Variants in RNF138 observed in about 807,000 individuals in gnomAD.
RNF138 encodes the protein E3 ubiquitin-protein ligase RNF138.
A neutral mutation model predicts 31.0 loss-of-function variants in RNF138; 12 were observed. The ratio of observed to expected loss-of-function variants is 0.39; its 90% CI spans 0.25 to 0.63. RNF138 has a LOEUF of 0.63. Ranked by LOEUF, RNF138 falls within the 20% of genes least tolerant of loss-of-function variation. The pLI is 0.52. For synonymous variants in RNF138, 105 were observed against 99.5 expected, an observed-to-expected ratio of 1.06 and a Z score of -0.33; for missense variants, 192 against 300.1, an observed-to-expected ratio of 0.64 and a Z score of 2.66.
At chr18:32,105,275 A>G (rs1288957670) in intron 2 of RNF138, among the ~76,000 whole-genome samples, 1 of 152,016 alleles carries the variant, frequency 6.6e-6, no homozygotes, top group Non-Finnish European at 1.5e-5. Flanking sequence ...TATTTTTAGT[A>G]GAGACAGGTT....
At position 32,123,512 on chromosome 18, in the gene RNF138, C is replaced by T; in HGVS notation, c.393-6C>T. 2.5e-6 allele frequency: 4 copies of T among 1,569,036 alleles called. No individual in the cohort carries two copies. The highest frequency in any genetic ancestry group is 3.5e-6 in the Non-Finnish European group (4 of 1,158,156). On this transcript the variant is annotated splice_region_variant and splice_polypyrimidine_tract_variant and intron_variant, in intron 4 of 7. Coordinates refer to ENST00000261593, the MANE Select transcript of RNF138 (RefSeq NM_016271.5). ...GGTATTAACTTTTTCCCCTGTGCTT[C>T]TTAAGCAATAGGAGTGAAACATCCA... is the stretch of plus-strand genomic sequence containing the variant.
chr18:32,098,711 G>A (rs1403620593), intron 2 of RNF138, among the ~76,000 whole-genome samples: 1 of 151,950 alleles, frequency 6.6e-6, no homozygotes, highest in East Asian at 1.9e-4. Flanking sequence ...AAATTAGCCG[G>A]GTGTGGCGGC....
At chr18:32,111,059 C>T (rs1402484025) in intron 2 of RNF138, among the ~76,000 whole-genome samples, 2 of 152,334 alleles carry the variant, frequency 1.3e-5, no homozygotes, top group African/African-American at 4.8e-5. Context: ...GGATTACAGG[C>T]GTGAGCCACC....
chr18:32,106,548 T>TTTAA (rs112355865), intron 2 of RNF138, among the ~76,000 whole-genome samples: 2 of 146,804 alleles, frequency 1.4e-5, no homozygotes. Flanking sequence ...TTTTATTTTA[T>TTTAA]TTTATTTATT....
At chr18:32,114,062 T>A in intron 4 of RNF138, 2 of 366,512 alleles carry the variant, frequency 5.5e-6, no homozygotes, top group Admixed American at 4.6e-5. Flanking sequence ...GGAGATGACT[T>A]CATGAACTTC....
chr18:32,123,177 A>C (rs1368397549), intron 4 of RNF138, among the ~76,000 whole-genome samples: 1 of 152,194 alleles, frequency 6.6e-6, no homozygotes, highest in Non-Finnish European at 1.5e-5. Context: ...TTAAAACCTT[A>C]CTAGTCTAGG....
chr18:32,097,213 T>C (rs1438761000), intron 2 of RNF138, among the ~76,000 whole-genome samples: 1 of 152,206 alleles, frequency 6.6e-6, no homozygotes, highest in African/African-American at 2.4e-5. Flanking sequence ...TTTTGAACAG[T>C]CAAGGAAATA....
chr18:32,102,043 A>AT (rs551714071), intron 2 of RNF138, among the ~76,000 whole-genome samples: 11,026 of 133,274 alleles, frequency 0.083, 630 homozygotes, highest in East Asian at 0.25. Context: ...TGCCTGGCTG[A>AT]TTTTTTTTTT....
At chr18:32,108,733 AT>A (rs2040076872) in intron 2 of RNF138, among the ~76,000 whole-genome samples, 1 of 152,148 alleles carries the variant, frequency 6.6e-6, no homozygotes, top group South Asian at 2.1e-4. Context: ...TAATGGAGTG[AT>A]CATAGCTCAC....
chr18:32,125,527 G>A (rs937323330), intron 6 of RNF138, among the ~76,000 whole-genome samples: 1 of 152,132 alleles, frequency 6.6e-6, no homozygotes, highest in Non-Finnish European at 1.5e-5. Context: ...TGAACATTTT[G>A]ATATATAAAT....
chr18:32,108,404 A>C (rs2040072301), intron 2 of RNF138, among the ~76,000 whole-genome samples: 1 of 152,146 alleles, frequency 6.6e-6, no homozygotes, highest in Admixed American at 6.5e-5. Flanking sequence ...GTACATTCTA[A>C]AAAATAGAAT....
At chr18:32,110,419 C>T (rs549939273) in intron 2 of RNF138, among the ~76,000 whole-genome samples, 3 of 152,216 alleles carry the variant, frequency 2.0e-5, no homozygotes, top group Non-Finnish European at 4.4e-5. Context: ...TACTTGTTAT[C>T]TATTTTAATC....
intron 2 of RNF138, among the ~76,000 whole-genome samples, chr18:32,109,109 C>T (rs1410271222): frequency 7.2e-5 from 11 of 151,964 alleles, no homozygotes; most frequent in Admixed American, 5.2e-4. Context: ...TTCATATCCT[C>T]CCTAACACTT....
intron 4 of RNF138, among the ~76,000 whole-genome samples, chr18:32,114,528 C>T (rs1392240234): frequency 6.6e-6 from 1 of 152,172 alleles, no homozygotes; most frequent in Non-Finnish European, 1.5e-5. Flanking sequence ...TCTATGTGAG[C>T]TCCTGCCCAT....
At chr18:32,113,521 G>A (rs2040167351) in intron 3 of RNF138, among the ~76,000 whole-genome samples, 1 of 152,100 alleles carries the variant, frequency 6.6e-6, no homozygotes, top group Non-Finnish European at 1.5e-5. Context: ...GTTTTTTGCA[G>A]TGAATTTATA....
At chr18:32,115,536 G>A (rs1026003392) in intron 4 of RNF138, among the ~76,000 whole-genome samples, 22 of 152,162 alleles carry the variant, frequency 1.4e-4, no homozygotes, top group African/African-American at 4.6e-4. Flanking sequence ...CTTGAGGTCA[G>A]GAGTTCAAGA....
chr18:32,095,817 C>G (rs1203303904), intron 2 of RNF138, among the ~76,000 whole-genome samples: 1 of 152,206 alleles, frequency 6.6e-6, no homozygotes, highest in Non-Finnish European at 1.5e-5. Flanking sequence ...GCAGGGACTA[C>G]TAAGTACTGT....
intron 7 of RNF138, among the ~76,000 whole-genome samples, 197 bp downstream of exon 7, chr18:32,126,997 C>T (rs2040394697): frequency 6.6e-6 from 1 of 152,054 alleles, no homozygotes; most frequent in African/African-American, 2.4e-5. Flanking sequence ...TTACTCTCCA[C>T]CTCCTGTACT....
In RNF138 at chr18:32,116,908, A is replaced by T. The variant is rs981557484; in HGVS notation, c.392+3048A>T. 2.7e-5 allele frequency among the ~76,000 whole-genome samples: 4 copies of T among 150,238 alleles called. No homozygotes were observed. The Admixed American group carries it at 2.7e-4, about 10-fold the overall frequency. On this transcript the variant is annotated intron_variant, in intron 4 of 7. Transcript: ENST00000261593. ...CCAGAAATGTTTATTTTTATTTTTA[A>T]TTTATTTATTTGTAGACAGAGTTTT...
Sources: gnomAD v4.1 joint callset for allele counts (sites outside exome capture counted in the v4.1 genomes callset) on GRCh38, gnomAD v4.1.1 for gene constraint, MANE v1.5 for transcripts, NCBI Gene and HGNC (gene_info 2026-07-23, HGNC 2026-07-21) for gene names.